Variants in CP observed in about 807,000 individuals in gnomAD.
CP encodes the protein ceruloplasmin, also known as caeruloplasmin.
In CP, 64 loss-of-function variants were observed where a neutral mutation model predicts 122.4. The observed-to-expected ratio is 0.52, with a 90% CI of 0.43 to 0.64. The LOEUF is 0.64. Among genes scored for constraint, CP ranks in the 30% least tolerant of loss-of-function variants. The pLI is 0.00. For missense variants in CP, 1,167 were observed against 1,284.4 expected, an observed-to-expected ratio of 0.91 and a Z score of 1.40; for synonymous variants, 440 against 436.4, an observed-to-expected ratio of 1.01 and a Z score of -0.10.
intron 7 of CP, among the ~76,000 whole-genome samples, chr3:149,201,445 GAA>G (rs1727308532): frequency 6.6e-6 from 1 of 151,724 alleles, no homozygotes; most frequent in African/African-American, 2.4e-5. Flanking sequence ...ATTTCTAAGG[GAA>G]CACATCTTTA....
Position 149,202,147 on chromosome 3 carries a change from T to C in CP, c.1303A>G (p.Asn435Asp). The change falls in exon 7 of 19, where the codon AAT (asparagine) becomes GAT (aspartate). Residue 435 changes from asparagine (N) to aspartate (D), a missense_variant. Asn to Asp is a conservative substitution (Grantham distance 23). This residue lies in a region of CP where 642 missense variants were observed against 627.3 expected (regional missense o/e 1.02). Transcript: ENST00000264613. ...TCTTCAGGGCCTCTCTCCTTTCGAT[T>C]TGTGAAGGAGGCATCTGTGTACTCA... ...YREYTDASFT[N>D]RKERGPEEEH... 3 of 1,614,126 alleles carry C rather than the reference T, an allele frequency of 1.9e-6. No individual in the cohort carries two copies. The highest frequency in any genetic ancestry group is 2.2e-5 in the East Asian group (1 of 44,878).
intron 15 of CP, among the ~76,000 whole-genome samples, chr3:149,178,915 T>C (rs1725601941): frequency 6.6e-6 from 1 of 152,196 alleles, no homozygotes; most frequent in Admixed American, 6.5e-5. Flanking sequence ...GAATCCCAAA[T>C]GAACAGTGTT....
intron 1 of CP, 82 bp downstream of exon 1, chr3:149,221,565 T>A (rs1332134403): frequency 1.4e-6 from 2 of 1,398,190 alleles, no homozygotes; most frequent in East Asian, 2.5e-5. Context: ...TAAGAAATTT[T>A]AAAAATATTT....
At chr3:149,183,442 G>A in intron 13 of CP, 24 bp downstream of exon 13, 1 of 1,609,266 alleles carries the variant, frequency 6.2e-7, no homozygotes, top group Non-Finnish European at 8.5e-7. Context: ...ACCCACACCT[G>A]ATAAACTGGA....
Position 149,176,430 on chromosome 3 carries a change from CAAAT to C in CP, c.3019-22_3019-19del. 6.4e-7 allele frequency: 1 copy of C among 1,569,528 alleles called. No individual in the cohort carries two copies. Among genetic ancestry groups the C allele is most frequent in the Non-Finnish European group, 8.8e-7 (1 of 1,139,724 alleles). ...CCCCTGTGCTTAATTAGAAAAATGA[CAAAT>C]AATGTATAATATTGTATATGAGAGT... On this transcript the variant is annotated intron_variant, in intron 17 of 18. Transcript: ENST00000264613.
At chr3:149,205,468 A>G (rs985506504) in intron 6 of CP, among the ~76,000 whole-genome samples, 38 of 151,968 alleles carry the variant, frequency 2.5e-4, no homozygotes, top group African/African-American at 8.2e-4. Context: ...ATTAGTCACA[A>G]TAGCCAAAAG....
intron 17 of CP, among the ~76,000 whole-genome samples, chr3:149,176,878 C>T (rs562814291): frequency 6.6e-6 from 1 of 152,238 alleles, no homozygotes; most frequent in Admixed American, 6.5e-5. Context: ...GGAGTCTCGG[C>T]TGGAAACAGT....
chr3:149,172,218 C>T, downstream of CP: 1 of 1,612,380 alleles, frequency 6.2e-7, no homozygotes, highest in Non-Finnish European at 8.5e-7. Flanking sequence ...AAACCATTGA[C>T]TTAAAGGTAT....
chr3:149,181,973 T>TGCGGGGGGGGGGG, intron 14 of CP, 32 bp downstream of exon 14: 9 of 1,375,574 alleles, frequency 6.5e-6, no homozygotes, highest in Non-Finnish European at 8.2e-6. Context: ...CCTGTTAAAA[T>TGCGGGGGGGGGGG]GCACCACCCC....
intron 6 of CP, among the ~76,000 whole-genome samples, chr3:149,204,676 G>C (rs1426420496): frequency 1.3e-5 from 2 of 152,156 alleles, no homozygotes; most frequent in Non-Finnish European, 2.9e-5. Flanking sequence ...TTCCAAGGAG[G>C]GTATTTTTAA....
intron 16 of CP, among the ~76,000 whole-genome samples, 169 bp from the exon 17 acceptor site, chr3:149,178,148 G>C (rs1725540447): frequency 6.6e-6 from 1 of 152,062 alleles, no homozygotes; most frequent in African/African-American, 2.4e-5. Context: ...ATATCACATT[G>C]CTTTTCTAGG....
At chr3:149,199,598 AT>A in intron 8 of CP, 113 bp downstream of exon 8, 1 of 1,220,038 alleles carries the variant, frequency 8.2e-7, no homozygotes, top group Non-Finnish European at 1.2e-6. Flanking sequence ...TAGAAATGAT[AT>A]ATGAGCGGTT....
rs774236918 is a variant in CP, at chr3:149,176,238, C to G, written c.3181+12G>C. ...TATATATGGCTTCTAGAATTACTAC[C>G]TGGATATTCACCTTCATTTTGTAGA... On this transcript the variant is annotated intron_variant, in intron 18 of 18. Transcript: ENST00000264613. 6.2e-7 allele frequency: 1 copy of G among 1,610,900 alleles called. No homozygotes were observed. The highest frequency in any genetic ancestry group is 1.7e-5 in the Admixed American group (1 of 59,982).
rs1396676587 is a variant in CP at position 149,183,518 on chromosome 3, T to C, written c.2373A>G (p.Thr791=). The C allele has an allele frequency of 6.2e-7, 1 of 1,611,968 alleles. No individual in the cohort carries two copies. The highest frequency in any genetic ancestry group is 8.5e-7 in the Non-Finnish European group (1 of 1,179,676). ...KVVYRQYTDS[T]FRVPVERKAE... Reference sequence around the variant, plus strand: ...CTTTTCTCTCCACTGGAACACGGAATGTGCTATCAGTATACTGCCGATACA... The same window carrying C: ...CTTTTCTCTCCACTGGAACACGGAACGTGCTATCAGTATACTGCCGATACA... Residue 791 remains threonine (T), a synonymous_variant, in exon 13 of 19, where the codon ACA becomes ACG. Coordinates refer to ENST00000264613, the MANE Select transcript of CP (RefSeq NM_000096.4).
chr3:149,213,955 C>T (rs1248948980), intron 1 of CP, among the ~76,000 whole-genome samples: 2 of 152,164 alleles, frequency 1.3e-5, no homozygotes, highest in African/African-American at 4.8e-5. Flanking sequence ...TACTGATGAA[C>T]TTAGTGAAAT....
At chr3:149,197,750 C>G (rs982866510) in intron 9 of CP, among the ~76,000 whole-genome samples, 13 of 152,082 alleles carry the variant, frequency 8.5e-5, no homozygotes, top group Non-Finnish European at 1.3e-4. Flanking sequence ...CAACCTAGAC[C>G]CCTCACATGC....
intron 9 of CP, among the ~76,000 whole-genome samples, chr3:149,189,399 A>C (rs926559905): frequency 1.8e-4 from 28 of 151,780 alleles, no homozygotes; most frequent in African/African-American, 6.1e-4. Flanking sequence ...AAAAATACAA[A>C]AAAAATTAGC....
intron 13 of CP, among the ~76,000 whole-genome samples, chr3:149,183,068 T>C (rs1487548392): frequency 2.0e-5 from 3 of 152,060 alleles, no homozygotes; most frequent in Non-Finnish European, 2.9e-5. Flanking sequence ...GGAGACTCAC[T>C]TGAGCACAGG....
Position 149,176,262 on chromosome 3 carries a change from G to A in CP, c.3169C>T (p.Leu1057=), listed in dbSNP as rs1725409500. ...CCTGGATATTCACCTTCATTTTGTA[G>A]AACGGTGTAAGTGGTTTCCATTCCA... The part of the protein sequence containing the change: ...HAGMETTYTV[L]QNEDTKSG Residue 1057 remains leucine (L), a synonymous_variant, in exon 18 of 19, where the codon CTA becomes TTA. Transcript: ENST00000264613. The A allele has an allele frequency of 6.2e-7, 1 of 1,612,136 alleles. No individual in the cohort carries two copies. Among genetic ancestry groups the A allele is most frequent in the Non-Finnish European group, 8.5e-7 (1 of 1,179,468 alleles).
Sources: gnomAD v4.1 joint callset for allele counts (sites outside exome capture counted in the v4.1 genomes callset) on GRCh38, gnomAD v4.1.1 for gene constraint, gnomAD v4.1.1 regional missense constraint, MANE v1.5 for transcripts, NCBI Gene and HGNC (gene_info 2026-07-23, HGNC 2026-07-21) for gene names.